OSCP1: variants seen among roughly 807,000 people sequenced by gnomAD.
OSCP1 encodes the protein organic solute carrier partner 1.
In OSCP1, 35 loss-of-function variants were observed where a neutral mutation model predicts 45.1. That is an observed-to-expected ratio of 0.78 (90% CI 0.59 to 1.03). The LOEUF (loss-of-function observed/expected upper bound fraction) is 1.03, where lower values mean the gene tolerates loss of function less well. Ranked by LOEUF, OSCP1 falls within the 50% of genes least tolerant of loss-of-function variation. The pLI is 0.00. For synonymous variants in OSCP1, 179 were observed against 180.1 expected, an observed-to-expected ratio of 0.99 and a Z score of 0.05; for missense variants, 400 against 470.7, an observed-to-expected ratio of 0.85 and a Z score of 1.39.
chr1:36,430,185 G>C (rs1426583383), intron 4 of OSCP1, among the ~76,000 whole-genome samples: 1 of 151,786 alleles, frequency 6.6e-6, no homozygotes, highest in Non-Finnish European at 1.5e-5. Flanking sequence ...TGGGAATACA[G>C]ACACGCACCA....
At chr1:36,429,850 G>A (rs552663005) in intron 4 of OSCP1, among the ~76,000 whole-genome samples, 3 of 143,228 alleles carry the variant, frequency 2.1e-5, no homozygotes, top group Non-Finnish European at 3.0e-5. Flanking sequence ...TTGCTCTGTC[G>A]CCCAGGCTAG....
At chr1:36,438,542 T>C (rs1648911743) in intron 2 of OSCP1, among the ~76,000 whole-genome samples, 1 of 152,104 alleles carries the variant, frequency 6.6e-6, no homozygotes, top group South Asian at 2.1e-4. Context: ...CAGCACTCTC[T>C]TTGGGCAGGT....
At chr1:36,428,527 T>G (rs764978448) in intron 4 of OSCP1, 1 of 1,538,516 alleles carries the variant, frequency 6.5e-7, no homozygotes. Flanking sequence ...TTTCAGTTAA[T>G]CCAACAAAAT....
intron 1 of OSCP1, among the ~76,000 whole-genome samples, chr1:36,439,293 G>A (rs1272338583): frequency 6.6e-6 from 1 of 152,160 alleles, no homozygotes; most frequent in Non-Finnish European, 1.5e-5. Flanking sequence ...GGCCAAGGCT[G>A]GAGGATCACT....
intron 2 of OSCP1, 27 bp downstream of exon 2, chr1:36,438,729 A>G: frequency 6.3e-7 from 1 of 1,577,542 alleles, no homozygotes; most frequent in African/African-American, 1.4e-5. Context: ...AATGCAACCA[A>G]GATGACAAAG....
At chr1:36,445,910 T>A (rs1557570532) in intron 1 of OSCP1, among the ~76,000 whole-genome samples, 1 of 151,648 alleles carries the variant, frequency 6.6e-6, no homozygotes, top group East Asian at 1.9e-4. Flanking sequence ...ACGGGGTTTC[T>A]CCATGTTGGC....
In OSCP1 at chr1:36,422,177, T is replaced by C. The variant is rs1448321195; in HGVS notation, c.792A>G (p.Ser264=). 3 of 1,614,092 alleles carry C rather than the reference T, an allele frequency of 1.9e-6. No homozygotes were observed. The highest frequency in any genetic ancestry group is 2.7e-5 in the African/African-American group (2 of 74,934). ...GGGTCCATGAGGCTAAGTTCTTTGA[T>C]GATCCAGACACATGAGTTTCCACAG... ...NQPVETHVSG[S]SKNLASWTQE... The change falls in exon 7 of 10, where the codon TCA becomes TCG. Residue 264 remains serine (S), a synonymous_variant. Coordinates refer to ENST00000235532, the MANE Select transcript of OSCP1 (RefSeq NM_145047.5).
At chr1:36,428,579 C>T in intron 4 of OSCP1, 1 of 1,359,060 alleles carries the variant, frequency 7.4e-7, no homozygotes, top group Non-Finnish European at 9.7e-7. Flanking sequence ...GAAACTAAGA[C>T]TTAAGAGAAG....
At chr1:36,429,753 A>ATTTTATT (rs1428494697) in intron 4 of OSCP1, among the ~76,000 whole-genome samples, 1 of 148,424 alleles carries the variant, frequency 6.7e-6, no homozygotes, top group Non-Finnish European at 1.5e-5. Context: ...TTTTATTTTT[A>ATTTTATT]TTTATTTATT....
At chr1:36,421,835 A>G (rs745360915) in intron 7 of OSCP1, among the ~76,000 whole-genome samples, 6 of 152,226 alleles carry the variant, frequency 3.9e-5, no homozygotes, top group Non-Finnish European at 8.8e-5. Flanking sequence ...ATCAGAATAC[A>G]CACGAGTGCT....
Position 36,450,438 on chromosome 1 carries a change from C to G in OSCP1, c.-69G>C. 7.7e-7 allele frequency: 1 copy of G among 1,302,380 alleles called. No individual in the cohort carries two copies. Among genetic ancestry groups the G allele is most frequent in the South Asian group, 1.2e-5 (1 of 83,062 alleles). The allele number at this position is 1,302,380 out of a possible 1,614,324, so 80.7% of individuals were successfully genotyped here. A position where few individuals can be genotyped will look rare whatever the true frequency, so the allele number is the denominator to read the frequency against. On this transcript the variant is annotated 5_prime_UTR_variant, in exon 1 of 10. Coordinates refer to ENST00000235532, the MANE Select transcript of OSCP1 (RefSeq NM_145047.5). ...GTAGCCAGTGGCCTGAAGGCCAGGC[C>G]GCAGCGTCCCAATAGTCCGGTTGCT...
intron 4 of OSCP1, among the ~76,000 whole-genome samples, chr1:36,424,602 A>T (rs1017028858): frequency 1.3e-5 from 2 of 152,198 alleles, no homozygotes; most frequent in African/African-American, 4.8e-5. Flanking sequence ...CACATGCTGG[A>T]CTAGAAAGAA....
chr1:36,419,119 T>C (rs1647460034), intron 8 of OSCP1, 65 bp from the exon 9 acceptor site: 3 of 1,424,752 alleles, frequency 2.1e-6, no homozygotes, highest in South Asian at 2.3e-5. Flanking sequence ...CATGGCAAAC[T>C]GGCTCTTGAT....
At chr1:36,430,472 A>G (rs72919382) in intron 4 of OSCP1, among the ~76,000 whole-genome samples, 5,530 of 152,042 alleles carry the variant, frequency 0.036, 331 homozygotes, top group African/African-American at 0.13. Flanking sequence ...GGCAACAGGG[A>G]TGGAGAGGAA....
At position 36,423,734 on chromosome 1, in the gene OSCP1, C is replaced by T. The variant is rs567821706; in HGVS notation, c.517-268G>A. On this transcript the variant is annotated intron_variant, in intron 4 of 9. Transcript: ENST00000235532. ...CTAAAAATACAAAAAATTAGCCGGG[C>T]GTGGTGGTGGGCACCTGCAGTCTCA... Among the ~76,000 whole-genome samples the T allele has an allele frequency of 1.7e-3, 254 of 151,874 alleles. 3 individuals are homozygous for T. The highest frequency in any genetic ancestry group is 5.9e-3 in the African/African-American group (244 of 41,424).
In OSCP1 at chr1:36,420,464, T is replaced by C. The variant is rs372462536; in HGVS notation, c.959+12A>G. On this transcript the variant is annotated intron_variant, in intron 8 of 9. Coordinates refer to ENST00000235532, the MANE Select transcript of OSCP1 (RefSeq NM_145047.5). The stretch of plus-strand genomic sequence containing the variant: ...TTTTATATGTCTTTAACGAAACAGG[T>C]TTAAAACATACTCCTCTTCTTCATC... 3.7e-5 allele frequency: 59 copies of C among 1,612,390 alleles called. No homozygotes were observed. The highest frequency in any genetic ancestry group is 8.9e-5 in the East Asian group (4 of 44,850).
chr1:36,446,581 C>T (rs1434356993), intron 1 of OSCP1, among the ~76,000 whole-genome samples: 1 of 152,242 alleles, frequency 6.6e-6, no homozygotes, highest in African/African-American at 2.4e-5. Flanking sequence ...GGAAGAGAAA[C>T]ACCCTCTTTT....
intron 4 of OSCP1, chr1:36,428,207 A>AAAG (rs1553146135): frequency 1.5e-5 from 21 of 1,355,194 alleles, no homozygotes; most frequent in Admixed American, 2.9e-5. Flanking sequence ...AAAAAAAAAA[A>AAAG]AAAGAAAGAA....
chr1:36,420,907 A>G (rs1403597804), intron 7 of OSCP1, among the ~76,000 whole-genome samples: 1 of 152,066 alleles, frequency 6.6e-6, no homozygotes, highest in African/African-American at 2.4e-5. Flanking sequence ...GAAGAAGTGT[A>G]TGGCTTCCTT....
Sources: allele counts gnomAD v4.1 joint callset (sites outside exome capture counted in the v4.1 genomes callset), GRCh38; gene constraint gnomAD v4.1.1; transcripts MANE v1.5; gene names NCBI Gene and HGNC (gene_info 2026-07-23, HGNC 2026-07-21).